Variants in OTOG observed in about 807,000 individuals in gnomAD.
OTOG encodes otogelin.
OTOG carries 296 observed loss-of-function variants against 313.8 expected under a neutral mutation model. The observed-to-expected ratio is 0.94, with a 90% CI of 0.86 to 1.04. The LOEUF (loss-of-function observed/expected upper bound fraction) is 1.04, where lower values mean the gene tolerates loss of function less well. Among genes scored for constraint, OTOG ranks in the 50% least tolerant of loss-of-function variants. The pLI is 0.00. For missense variants in OTOG, 3,948 were observed against 3,840.1 expected (o/e 1.03, Z -0.74); for synonymous variants, 1,533 against 1,554.9 (o/e 0.99, Z 0.33).
chr11:17,559,612 C>T lies in OTOG; in HGVS notation c.1292C>T (p.Ser431Phe). 1.3e-6 allele frequency: 2 copies of T among 1,550,928 alleles called. No homozygotes were observed. Among genetic ancestry groups the T allele is most frequent in the African/African-American group, 1.4e-5 (1 of 73,184 alleles). ...CCPASCHPRA[S>F]CVDSEIACVD... Reference sequence around the variant, plus strand: ...CCTGCCTCCTGCCATCCCCGGGCATCCTGTGTGGACAGTGAGATCGCCTGT... The same window carrying T: ...CCTGCCTCCTGCCATCCCCGGGCATTCTGTGTGGACAGTGAGATCGCCTGT... The change falls in exon 12 of 56, where the codon TCC becomes TTC. Residue 431 changes from serine (S) to phenylalanine (F), a missense_variant. Coordinates refer to ENST00000399397, the MANE Select transcript of OTOG (RefSeq NM_001292063.2).
chr11:17,613,382 T>TTCCTTCCTTCCC (rs1853644409), intron 38 of OTOG, among the ~76,000 whole-genome samples: 1 of 143,764 alleles, frequency 7.0e-6, no homozygotes, highest in African/African-American at 2.6e-5. Flanking sequence ...CCCTCCTTCC[T>TTCCTTCCTTCCC]TCCTTCCTTC....
chr11:17,644,837 G>A (rs1565133255), intron 54 of OTOG, among the ~76,000 whole-genome samples: 1 of 152,220 alleles, frequency 6.6e-6, no homozygotes, highest in African/African-American at 2.4e-5. Context: ...AGCAAGGGAG[G>A]GGTCAGGGAG....
intron 39 of OTOG, among the ~76,000 whole-genome samples, chr11:17,627,112 T>C (rs530735275): frequency 1.1e-3 from 162 of 152,334 alleles, no homozygotes; most frequent in African/African-American, 3.6e-3. Context: ...CCTTCATTTC[T>C]TTCTCTTGTC....
In OTOG at chr11:17,635,665, T is replaced by A; in HGVS notation, c.7749T>A (p.Thr2583=). Reference sequence around the variant, plus strand: ...AATGTCAAGAAGGGGAGGCGCTCACTGTGCACAGGAATACCACGGAACTCT... The same window carrying A: ...AATGTCAAGAAGGGGAGGCGCTCACAGTGCACAGGAATACCACGGAACTCT... The part of the protein sequence containing the change: ...IPECQEGEAL[T]VHRNTTELCC... Residue 2583 remains threonine, a synonymous_variant, in exon 47 of 56, where the codon ACT becomes ACA. Transcript: ENST00000399397. The A allele has an allele frequency of 1.3e-6, 2 of 1,550,560 alleles. No homozygotes were observed. Among genetic ancestry groups the A allele is most frequent in the Non-Finnish European group, 1.7e-6 (2 of 1,146,966 alleles).
intron 28 of OTOG, 139 bp downstream of exon 28, chr11:17,594,305 C>A: frequency 8.8e-7 from 1 of 1,139,576 alleles, no homozygotes; most frequent in Non-Finnish European, 1.2e-6. Context: ...TGACTGCATC[C>A]CTAGCCCTAG....
chr11:17,588,971 C>G (rs1382221197), intron 24 of OTOG, among the ~76,000 whole-genome samples: 12 of 152,292 alleles, frequency 7.9e-5, no homozygotes, highest in African/African-American at 2.9e-4. Context: ...CCTCTCACCC[C>G]CTCGATGTCT....
At chr11:17,638,315 C>T in intron 47 of OTOG, 136 bp from the exon 48 acceptor site, 3 of 748,434 alleles carry the variant, frequency 4.0e-6, no homozygotes, top group Non-Finnish European at 6.3e-6. Flanking sequence ...CAGACTCTTC[C>T]CTGGGGCTCT....
At position 17,642,947 on chromosome 11, in the gene OTOG, C is replaced by T. The variant is rs193041447; in HGVS notation, c.8416-514C>T. Among the ~76,000 whole-genome samples, 161 of 152,326 alleles carry T rather than the reference C, an allele frequency of 1.1e-3. 1 individual carries two copies. The highest frequency in any genetic ancestry group is 6.8e-3 in the Middle Eastern group (2 of 294). ...ACACATACTGAGACCTGCCCCCCAACACACACACTTATGTACAAAGAACTG... is the reference window on the plus strand; with the variant it reads ...ACACATACTGAGACCTGCCCCCCAATACACACACTTATGTACAAAGAACTG... On this transcript the variant is annotated intron_variant, in intron 53 of 55. Coordinates refer to ENST00000399397, the MANE Select transcript of OTOG (RefSeq NM_001292063.2).
At chr11:17,555,982 C>A in intron 7 of OTOG, 85 bp downstream of exon 7, 1 of 1,086,100 alleles carries the variant, frequency 9.2e-7, no homozygotes, top group Non-Finnish European at 1.3e-6. Context: ...TTCTCAAGCC[C>A]AAAGGAAATT....
intron 15 of OTOG, among the ~76,000 whole-genome samples, chr11:17,566,000 C>G (rs1031686290): frequency 1.3e-5 from 2 of 152,148 alleles, no homozygotes; most frequent in Non-Finnish European, 2.9e-5. Context: ...GAATCAAGAT[C>G]AGGGGATGAG....
chr11:17,597,105 C>G, intron 30 of OTOG, 98 bp downstream of exon 30: 2 of 1,419,070 alleles, frequency 1.4e-6, no homozygotes, highest in Non-Finnish European at 9.4e-7. Flanking sequence ...TTACTGAGTA[C>G]TTAGAATGTA....
chr11:17,611,420 T>C lies in OTOG; in HGVS notation c.6120T>C (p.Cys2040=), dbSNP rs777071359. 2.6e-6 allele frequency: 4 copies of C among 1,510,854 alleles called. No individual in the cohort carries two copies. Among genetic ancestry groups the C allele is most frequent in the Non-Finnish European group, 1.8e-6 (2 of 1,123,210 alleles). 93.6% of individuals were successfully genotyped at this position (1,510,854 alleles called of 1,614,324 possible). A position where few individuals can be genotyped will look rare whatever the true frequency, so the allele number is the denominator to read the frequency against. The change falls in exon 36 of 56, where the codon TGT becomes TGC. Residue 2040 remains cysteine (C), a synonymous_variant. Transcript: ENST00000399397. The part of the protein sequence containing the change: ...TTTEANTSTT[C]VPIAEQDCVR... ...CTGAGGCCAATACATCCACCACCTG[T>C]GTTGTGAGTGATTTGCCAGGGTTCT... is the stretch of plus-strand genomic sequence containing the variant.
intron 3 of OTOG, among the ~76,000 whole-genome samples, chr11:17,549,769 C>T (rs951949084): frequency 3.3e-5 from 5 of 152,120 alleles, no homozygotes; most frequent in African/African-American, 1.2e-4. Flanking sequence ...AGTGAGTGGA[C>T]CAGGCAACCT....
intron 39 of OTOG, among the ~76,000 whole-genome samples, chr11:17,615,174 T>A (rs1275268131): frequency 6.6e-6 from 1 of 152,256 alleles, no homozygotes; most frequent in Non-Finnish European, 1.5e-5. Context: ...TTTGGCAAAG[T>A]ATCTGTTCAA....
At position 17,631,938 on chromosome 11, in the gene OTOG, G is replaced by T; in HGVS notation, c.6933+16G>T. 1.9e-6 allele frequency: 3 copies of T among 1,548,640 alleles called. No individual in the cohort carries two copies. The highest frequency in any genetic ancestry group is 1.7e-6 in the Non-Finnish European group (2 of 1,146,862). On this transcript the variant is annotated intron_variant, in intron 41 of 55. Transcript: ENST00000399397. ...CCACCGCTTTGTATGTGCCAACTGG[G>T]TCCAGCACTGGGGACACCTCCTGGG...
chr11:17,601,599 C>T (rs1346950709), intron 31 of OTOG, among the ~76,000 whole-genome samples: 3 of 109,116 alleles, frequency 2.7e-5, no homozygotes, highest in Non-Finnish European at 5.3e-5. Flanking sequence ...CACCAGGGGG[C>T]GTGGCTGGGA....
At chr11:17,599,552 G>T (rs1853194038) in intron 30 of OTOG, 119 bp from the exon 31 acceptor site, 2 of 1,084,684 alleles carry the variant, frequency 1.8e-6, no homozygotes, top group East Asian at 5.2e-5. Context: ...CATGTGGGAG[G>T]CAGGCCAGGC....
intron 39 of OTOG, among the ~76,000 whole-genome samples, chr11:17,626,113 G>A (rs759705424): frequency 5.9e-5 from 9 of 152,260 alleles, no homozygotes; most frequent in Admixed American, 3.9e-4. Flanking sequence ...TTCACTGAAG[G>A]TGTATGAATT....
intron 14 of OTOG, among the ~76,000 whole-genome samples, 155 bp from the exon 15 acceptor site, chr11:17,561,507 C>G (rs568021566): frequency 5.1e-4 from 77 of 152,130 alleles, no homozygotes; most frequent in African/African-American, 1.7e-3. Flanking sequence ...GCCTGTGTCT[C>G]CCACTGCCCA....
Sources: allele counts gnomAD v4.1 joint callset (sites outside exome capture counted in the v4.1 genomes callset), GRCh38; gene constraint gnomAD v4.1.1; transcripts MANE v1.5; gene names NCBI Gene and HGNC (gene_info 2026-07-23, HGNC 2026-07-21).